The following ANK2 variants were observed in gnomAD, a reference collection of about 807,000 sequenced individuals.
ANK2 encodes ankyrin-2.
A neutral mutation model predicts 360.5 loss-of-function variants in ANK2; 83 were observed. The ratio of observed to expected loss-of-function variants is 0.23; its 90% CI spans 0.19 to 0.28. ANK2 has a LOEUF of 0.28. Ranked by LOEUF, ANK2 falls within the 10% of genes least tolerant of loss-of-function variation. The pLI is 1.00. For synonymous variants in ANK2, 1,740 were observed against 1,759.5 expected, an observed-to-expected ratio of 0.99 and a Z score of 0.28; for missense variants, 4,201 against 4,795.7, an observed-to-expected ratio of 0.88 and a Z score of 3.66.
Position 113,055,181 on chromosome 4 carries a change from C to T in ANK2, c.84+5369C>T, listed in dbSNP as rs183021651. Among the ~76,000 whole-genome samples, 27 of 152,072 alleles carry T rather than the reference C, an allele frequency of 1.8e-4. No individual in the cohort carries two copies. In the East Asian group the frequency reaches 4.7e-3, roughly 26 times the overall value. On this transcript the variant is annotated intron_variant, in intron 1 of 45. Transcript: ENST00000357077. ...GCTGAGGCAGGAGGATTGCTTGACC[C>T]CAGGAGTTTGAGACCAGCCTAGGCA...
intron 1 of ANK2, among the ~76,000 whole-genome samples, chr4:113,081,788 A>G (rs2082486395): frequency 1.3e-5 from 2 of 152,118 alleles, no homozygotes; most frequent in Non-Finnish European, 2.9e-5. Context: ...TATTTGCTGG[A>G]TAAATAATAC....
chr4:113,319,816 AG>A, intron 26 of ANK2, among the ~76,000 whole-genome samples: 1 of 152,326 alleles, frequency 6.6e-6, no homozygotes, highest in Admixed American at 6.5e-5. Context: ...ATTACTAAAA[AG>A]ATACAACATT....
Position 112,829,491 on chromosome 4 carries a change from C to CAAAAAAAAAAAAAAAAAAAAAAAAAAAA in ANK2, c.-40+11246_-40+11247insAAAAAAAAAAAAAAAAAAAAAAAAAAAA, listed in dbSNP as rs60272903. ...GCAACATAGTATGAGCCCATCTCTA[C>CAAAAAAAAAAAAAAAAAAAAAAAAAAAA]AAAAAAAAAAAAAAAAAAAGGAAGG... is the stretch of plus-strand genomic sequence containing the variant. On this transcript the variant is annotated intron_variant, in intron 1 of 30. Transcript: ENST00000503271. Among the ~76,000 whole-genome samples the CAAAAAAAAAAAAAAAAAAAAAAAAAAAA allele has an allele frequency of 2.2e-3, 131 of 60,672 alleles. 7 individuals carry two copies. Among genetic ancestry groups the CAAAAAAAAAAAAAAAAAAAAAAAAAAAA allele is most frequent in the East Asian group, 3.3e-3 (10 of 3,048 alleles). 39.8% of individuals were successfully genotyped at this position (60,672 alleles called of 152,430 possible). A position where few individuals can be genotyped will look rare whatever the true frequency, so the allele number is the denominator to read the frequency against.
At chr4:113,056,610 G>A (rs1043085541) in intron 1 of ANK2, among the ~76,000 whole-genome samples, 1 of 152,076 alleles carries the variant, frequency 6.6e-6, no homozygotes, top group East Asian at 1.9e-4. Context: ...ACTAGATAGA[G>A]CAGAGATGGG....
the ANK2 span, among the ~76,000 whole-genome samples, chr4:112,777,642 G>A: frequency 7.2e-6 from 1 of 138,106 alleles, no homozygotes; most frequent in African/African-American, 2.7e-5. Context: ...TTTTGAGACA[G>A]AGTCTCGCTC....
rs765983541 is a variant in ANK2 at position 113,354,812 on chromosome 4, A to G, written c.6194A>G (p.Lys2065Arg). ...RLPVTGTAESKRGVRVSSIGV... is the reference protein window; with the variant it reads ...RLPVTGTAESRRGVRVSSIGV... ...CCGGTAACGGGCACAGCAGAATCCA[A>G]AAGAGGAGTTCGTGTTTCCTCCATA... Residue 2065 changes from lysine (K) to arginine (R), a missense_variant, in exon 38 of 46, where the codon AAA becomes AGA. Coordinates refer to ENST00000357077, the MANE Select transcript of ANK2 (RefSeq NM_001148.6). 3 of 1,614,028 alleles carry G rather than the reference A, an allele frequency of 1.9e-6. No homozygotes were observed. Among genetic ancestry groups the G allele is most frequent in the South Asian group, 1.1e-5 (1 of 91,074 alleles).
intron 3 of ANK2, among the ~76,000 whole-genome samples, chr4:113,198,414 A>C (rs2098781265): frequency 6.6e-6 from 1 of 152,110 alleles, no homozygotes; most frequent in Admixed American, 6.5e-5. Flanking sequence ...ATTTTCACAA[A>C]AGGTTTAAAT....
At chr4:112,890,617 G>T (rs546379942) in intron 1 of ANK2, among the ~76,000 whole-genome samples, 32 of 136,920 alleles carry the variant, frequency 2.3e-4, no homozygotes, top group Admixed American at 7.1e-4. Context: ...GCCCAGGCTG[G>T]AGTGCAATGG....
chr4:112,744,018 A>G, the ANK2 span, among the ~76,000 whole-genome samples: 6 of 151,326 alleles, frequency 4.0e-5, no homozygotes, highest in Non-Finnish European at 7.4e-5. Context: ...TTGTTTTTTT[A>G]GTAGAGATGG....
intron 2 of ANK2, among the ~76,000 whole-genome samples, chr4:112,908,382 G>C (rs2085981049): frequency 6.6e-6 from 1 of 152,180 alleles, no homozygotes; most frequent in South Asian, 2.1e-4. Context: ...TTCAGATCCA[G>C]ATCATTTTAT....
intron 1 of ANK2, among the ~76,000 whole-genome samples, chr4:113,055,734 A>T (rs2069381527): frequency 6.6e-6 from 1 of 152,178 alleles, no homozygotes; most frequent in Non-Finnish European, 1.5e-5. Context: ...AGACTCAGAG[A>T]CTACATACAG....
chr4:112,976,603 T>C (rs568187503), intron 2 of ANK2, among the ~76,000 whole-genome samples: 1 of 152,328 alleles, frequency 6.6e-6, no homozygotes, highest in Admixed American at 6.5e-5. Flanking sequence ...ACTGCTTAAT[T>C]AATTTTAAAA....
the ANK2 span, among the ~76,000 whole-genome samples, chr4:112,734,014 A>T: frequency 3.3e-5 from 5 of 152,202 alleles, no homozygotes; most frequent in African/African-American, 7.2e-5. Context: ...GCCTCAGGTG[A>T]TCCACCCGCC....
In ANK2 at chr4:113,357,121, C is replaced by T. The variant is rs3733617; in HGVS notation, c.8503C>T (p.Pro2835Ser). Residue 2835 changes from proline (P) to serine (S), a missense_variant, in exon 38 of 46, where the codon CCA becomes TCA. Pro to Ser is a moderately conservative substitution (Grantham distance 74). Coordinates refer to ENST00000357077, the MANE Select transcript of ANK2 (RefSeq NM_001148.6). ...GCTTGATGTTTCTAGAGCAGAATCT[C>T]CACAAGCAGATTGCCCCAGTGAAAG... ...EELDVSRAES[P>S]QADCPSESFS... is the part of the protein sequence containing the mutation. The T allele has an allele frequency of 0.066, 106,031 of 1,613,944 alleles. 7,897 individuals carry two copies. The highest frequency in any genetic ancestry group is 0.37 in the African/African-American group (27,385 of 74,934).
the ANK2 span, among the ~76,000 whole-genome samples, chr4:112,783,475 A>C: frequency 6.6e-6 from 1 of 152,092 alleles, no homozygotes; most frequent in African/African-American, 2.4e-5. Flanking sequence ...ATTCCCATGC[A>C]TTTCTTTGAA....
At chr4:113,176,124 G>A (rs1431107926) in intron 2 of ANK2, among the ~76,000 whole-genome samples, 3 of 152,136 alleles carry the variant, frequency 2.0e-5, no homozygotes, top group African/African-American at 7.2e-5. Context: ...CCACATGTAT[G>A]GGCATCCATC....
At chr4:112,866,104 G>A (rs913037559) in intron 1 of ANK2, among the ~76,000 whole-genome samples, 1 of 152,052 alleles carries the variant, frequency 6.6e-6, no homozygotes, top group Non-Finnish European at 1.5e-5. Context: ...CTATCTTTTC[G>A]GCTGAGGTGC....
chr4:112,934,448 T>C (rs1003248713), intron 2 of ANK2, among the ~76,000 whole-genome samples: 1 of 152,344 alleles, frequency 6.6e-6, no homozygotes, highest in Non-Finnish European at 1.5e-5. Context: ...CATTCTTTTC[T>C]TCTCCCTCCG....
chr4:113,037,922 A>G (rs1220130934), intron 2 of ANK2, among the ~76,000 whole-genome samples: 1 of 152,046 alleles, frequency 6.6e-6, no homozygotes, highest in East Asian at 1.9e-4. Context: ...TTAACAAGTT[A>G]ATAAACTTTC....
Sources: gnomAD v4.1 joint callset for allele counts (sites outside exome capture counted in the v4.1 genomes callset) on GRCh38, gnomAD v4.1.1 for gene constraint, MANE v1.5 for transcripts, NCBI Gene and HGNC (gene_info 2026-07-23, HGNC 2026-07-21) for gene names.